Variants in RAPGEF5 observed in about 807,000 individuals in gnomAD.
RAPGEF5 encodes the protein M-Ras-regulated GEF.
RAPGEF5 carries 65 observed loss-of-function variants against 125.2 expected under a neutral mutation model. That is an observed-to-expected ratio of 0.52 (90% CI 0.43 to 0.64). RAPGEF5 has a LOEUF of 0.64. Ranked by LOEUF, RAPGEF5 falls within the 30% of genes least tolerant of loss-of-function variation. The pLI is 0.00. For missense variants in RAPGEF5, 958 were observed against 1,048.1 expected, an observed-to-expected ratio of 0.91 and a Z score of 1.19; for synonymous variants, 391 against 385.9, an observed-to-expected ratio of 1.01 and a Z score of -0.16.
intron 5 of RAPGEF5, among the ~76,000 whole-genome samples, chr7:22,295,494 G>A (rs753391170): frequency 1.3e-5 from 2 of 152,016 alleles, no homozygotes; most frequent in Non-Finnish European, 2.9e-5. Flanking sequence ...CAAAATTCCT[G>A]TACTACTCTT....
At chr7:22,147,314 C>T (rs1783475953) in intron 18 of RAPGEF5, among the ~76,000 whole-genome samples, 1 of 152,162 alleles carries the variant, frequency 6.6e-6, no homozygotes, top group Admixed American at 6.5e-5. Context: ...AAAACACTGC[C>T]CTGGCAGACA....
intron 7 of RAPGEF5, among the ~76,000 whole-genome samples, chr7:22,261,788 A>C (rs1481766556): frequency 1.3e-5 from 2 of 152,174 alleles, no homozygotes; most frequent in Admixed American, 1.3e-4. Context: ...ACTTTTGACA[A>C]AGGTGCAAAA....
At chr7:22,306,793 C>T (rs1047792477) in intron 5 of RAPGEF5, among the ~76,000 whole-genome samples, 3 of 152,164 alleles carry the variant, frequency 2.0e-5, no homozygotes, top group Non-Finnish European at 4.4e-5. Context: ...TCTCCCAGCA[C>T]CATTTATTAA....
intron 7 of RAPGEF5, among the ~76,000 whole-genome samples, chr7:22,265,103 T>C (rs935341952): frequency 6.6e-6 from 1 of 152,180 alleles, no homozygotes; most frequent in Non-Finnish European, 1.5e-5. Flanking sequence ...CTCAAACATA[T>C]ATCATTTGTA....
intron 7 of RAPGEF5, among the ~76,000 whole-genome samples, chr7:22,241,997 C>T (rs1409633654): frequency 1.3e-5 from 2 of 152,110 alleles, no homozygotes; most frequent in Non-Finnish European, 2.9e-5. Context: ...AGGAGGAAGT[C>T]AGGAAGTGAC....
At chr7:22,195,118 T>G (rs939746114) in intron 9 of RAPGEF5, among the ~76,000 whole-genome samples, 4 of 152,180 alleles carry the variant, frequency 2.6e-5, no homozygotes, top group African/African-American at 9.6e-5. Context: ...TCCTAGCACG[T>G]TTCCCCTACT....
chr7:22,135,449 C>T (rs1469740010), intron 23 of RAPGEF5, among the ~76,000 whole-genome samples: 2 of 152,158 alleles, frequency 1.3e-5, no homozygotes, highest in African/African-American at 2.4e-5. Flanking sequence ...ATTTAACTAA[C>T]ATGTTTCATG....
chr7:22,326,186 A>C (rs1783811074), intron 1 of RAPGEF5, among the ~76,000 whole-genome samples: 1 of 152,220 alleles, frequency 6.6e-6, no homozygotes, highest in Non-Finnish European at 1.5e-5. Flanking sequence ...GGAAGAATTC[A>C]GGATACTTGT....
chr7:22,245,973 T>C (rs1197730383), intron 7 of RAPGEF5, among the ~76,000 whole-genome samples: 1 of 151,770 alleles, frequency 6.6e-6, no homozygotes, highest in Non-Finnish European at 1.5e-5. Context: ...CACAATCAAA[T>C]TTACAACAGC....
chr7:22,208,093 A>C (rs1334220014), intron 9 of RAPGEF5, among the ~76,000 whole-genome samples: 3 of 151,976 alleles, frequency 2.0e-5, no homozygotes, highest in Non-Finnish European at 4.4e-5. Flanking sequence ...CTCATTTCAC[A>C]TGCTTCTGTC....
At chr7:22,318,319 T>G (rs551473580) in intron 1 of RAPGEF5, among the ~76,000 whole-genome samples, 23 of 152,320 alleles carry the variant, frequency 1.5e-4, no homozygotes, top group African/African-American at 5.5e-4. Flanking sequence ...CCAGTCACTT[T>G]ATTCTTGATG....
rs201900754 is a variant in RAPGEF5 at position 22,124,247 on chromosome 7, C to G, written c.2536+1357G>C. On this transcript the variant is annotated intron_variant, in intron 25 of 25. Transcript: ENST00000665637. ...ACTGATATCTTAGAATTAGCTGAAT[C>G]CCCAGTAAACACTTGGGAAGCAAAG... Among the ~76,000 whole-genome samples, 3 of 152,114 alleles carry G rather than the reference C, an allele frequency of 2.0e-5. No individual in the cohort carries two copies. In the East Asian group the frequency reaches 5.8e-4, roughly 29 times the overall value.
chr7:22,170,129 A>C (rs1189073690), intron 11 of RAPGEF5, among the ~76,000 whole-genome samples: 1 of 152,176 alleles, frequency 6.6e-6, no homozygotes. Flanking sequence ...CCCAGGCTGC[A>C]GTGCAAACTT....
chr7:22,138,586 C>T lies in RAPGEF5; in HGVS notation c.2277+1439G>A, dbSNP rs1302568635. 1.3e-5 allele frequency among the ~76,000 whole-genome samples: 2 copies of T among 152,324 alleles called. 1 individual carries two copies. The highest frequency in any genetic ancestry group is 4.1e-4 in the South Asian group (2 of 4,828). On this transcript the variant is annotated intron_variant, in intron 21 of 25. Transcript: ENST00000665637. ...TCTCAGCTGGACCTCGAAGGCCCTG[C>T]AGCTTGAGGCTTCTCATTCGAGTTT...
At chr7:22,190,915 A>C (rs980454677) in intron 11 of RAPGEF5, among the ~76,000 whole-genome samples, 2 of 152,174 alleles carry the variant, frequency 1.3e-5, no homozygotes, top group African/African-American at 4.8e-5. Context: ...CCATATGGCT[A>C]CACGCGGCCC....
intron 5 of RAPGEF5, among the ~76,000 whole-genome samples, chr7:22,303,357 G>T (rs1015579908): frequency 2.0e-5 from 3 of 152,040 alleles, no homozygotes; most frequent in Non-Finnish European, 4.4e-5. Context: ...TTCAGTTTGG[G>T]TATAAAAGTT....
At chr7:22,323,166 G>A (rs1040985323) in intron 1 of RAPGEF5, among the ~76,000 whole-genome samples, 4 of 152,156 alleles carry the variant, frequency 2.6e-5, no homozygotes, top group South Asian at 4.1e-4. Flanking sequence ...GCACAGTAGC[G>A]TAGTACCCAC....
chr7:22,122,572 T>C, intron 25 of RAPGEF5, 51 bp from the exon 26 acceptor site: 1 of 1,361,042 alleles, frequency 7.3e-7, no homozygotes, highest in Non-Finnish European at 1.0e-6. Context: ...AGTAATGCTG[T>C]ATCTACATAC....
chr7:22,197,804 C>T lies in RAPGEF5; in HGVS notation c.997-3771G>A, dbSNP rs543105393. 7.3e-5 allele frequency among the ~76,000 whole-genome samples: 11 copies of T among 150,638 alleles called. No homozygotes were observed. In the South Asian group the frequency reaches 1.7e-3, roughly 23 times the overall value. On this transcript the variant is annotated intron_variant, in intron 9 of 25. Coordinates refer to ENST00000665637, the MANE Select transcript of RAPGEF5 (RefSeq NM_012294.5). Reference sequence around the variant, plus strand: ...ACACTCAATTAACATTTACTGAATACGTTTATAAACAAAAGATGAATGAAT... The same window carrying T: ...ACACTCAATTAACATTTACTGAATATGTTTATAAACAAAAGATGAATGAAT...
Sources: allele counts gnomAD v4.1 joint callset (sites outside exome capture counted in the v4.1 genomes callset), GRCh38; gene constraint gnomAD v4.1.1; transcripts MANE v1.5; gene names NCBI Gene and HGNC (gene_info 2026-07-23, HGNC 2026-07-21).